Variants in ITGB3 observed in about 807,000 individuals in gnomAD.
ITGB3 encodes the protein integrin beta-3.
ITGB3 carries 48 observed loss-of-function variants against 85.8 expected under a neutral mutation model. The ratio of observed to expected loss-of-function variants is 0.56; its 90% CI spans 0.44 to 0.71. ITGB3 has a LOEUF of 0.71. ITGB3 is among the 30% of genes least tolerant of loss of function. ITGB3 has a pLI of 0.00. For missense variants in ITGB3, 861 were observed against 1,019.1 expected, an observed-to-expected ratio of 0.84 and a Z score of 2.11; for synonymous variants, 363 against 395.6, an observed-to-expected ratio of 0.92 and a Z score of 0.98.
chr17:47,274,556 T>G (rs753378137), intron 2 of ITGB3, 52 bp downstream of exon 2: 25 of 1,497,882 alleles, frequency 1.7e-5, no homozygotes, highest in Non-Finnish European at 2.3e-5. Context: ...GCTGCTTTTG[T>G]GCAGAAACAG....
intron 5 of ITGB3, 150 bp downstream of exon 5, chr17:47,286,572 T>C: frequency 2.0e-6 from 2 of 985,342 alleles, no homozygotes; most frequent in South Asian, 2.8e-5. Flanking sequence ...GCTCCTGATA[T>C]TCAGCCTTGG....
In ITGB3 at chr17:47,287,023, A is replaced by G. The variant is rs1223530318; in HGVS notation, c.778-47A>G. 1.9e-6 allele frequency: 3 copies of G among 1,574,706 alleles called. No homozygotes were observed. The African/African-American group carries it at 4.2e-5, about 22-fold the overall frequency. ...CTGTTCTCTACCAGTGACATGGCTG[A>G]ATTTGTTTTGTCTCCTCTGCCTTTG... On this transcript the variant is annotated intron_variant, in intron 5 of 14. Transcript: ENST00000559488.
intron 7 of ITGB3, 47 bp downstream of exon 7, chr17:47,289,823 T>A (rs772753231): frequency 3.6e-6 from 5 of 1,384,890 alleles, no homozygotes; most frequent in Non-Finnish European, 5.1e-6. Flanking sequence ...TGATGGTGGG[T>A]GCCCCAGGTA....
chr17:47,275,856 A>AG (rs1268426637), intron 2 of ITGB3, among the ~76,000 whole-genome samples: 1 of 152,112 alleles, frequency 6.6e-6, no homozygotes. Flanking sequence ...AAGGGGTGTA[A>AG]GGGGGGCATG....
chr17:47,273,612 T>C (rs2065052909), intron 1 of ITGB3, among the ~76,000 whole-genome samples: 1 of 152,220 alleles, frequency 6.6e-6, no homozygotes, highest in South Asian at 2.1e-4. Context: ...TAGCACCTTA[T>C]AGTGTACCAA....
At chr17:47,260,717 C>G (rs1456996252) in intron 1 of ITGB3, among the ~76,000 whole-genome samples, 1 of 152,084 alleles carries the variant, frequency 6.6e-6, no homozygotes, top group Non-Finnish European at 1.5e-5. Context: ...CTTTCTGGGA[C>G]TTCCACAAGT....
chr17:47,270,091 G>A (rs1387438119), intron 1 of ITGB3, among the ~76,000 whole-genome samples: 1 of 152,194 alleles, frequency 6.6e-6, no homozygotes, highest in Non-Finnish European at 1.5e-5. Flanking sequence ...ACAGCAACAT[G>A]AGGATAATCA....
Position 47,302,706 on chromosome 17 carries a change from T to C in ITGB3, c.2015-15T>C, listed in dbSNP as rs1469314464. On this transcript the variant is annotated splice_polypyrimidine_tract_variant and intron_variant, in intron 12 of 14. Transcript: ENST00000559488. ...GTTGTCTCACTTTTTATTCCTCCAT[T>C]TTCCCTACTCCCAGAGGACACTGGC... 1.2e-6 allele frequency: 2 copies of C among 1,614,036 alleles called. No homozygotes were observed. The highest frequency in any genetic ancestry group is 2.2e-5 in the East Asian group (1 of 44,872).
intron 12 of ITGB3, among the ~76,000 whole-genome samples, chr17:47,301,261 A>T (rs1036682830): frequency 6.6e-6 from 1 of 152,180 alleles, no homozygotes; most frequent in African/African-American, 2.4e-5. Context: ...TGGGCCAGCG[A>T]GGCATTGAGA....
At chr17:47,272,490 C>G (rs1002022695) in intron 1 of ITGB3, among the ~76,000 whole-genome samples, 4 of 151,778 alleles carry the variant, frequency 2.6e-5, no homozygotes, top group African/African-American at 9.7e-5. Flanking sequence ...TTCAATAGGT[C>G]AACATCTACT....
chr17:47,302,929 A>G (rs185918083), intron 13 of ITGB3, 89 bp downstream of exon 13: 1 of 1,496,290 alleles, frequency 6.7e-7, no homozygotes, highest in African/African-American at 1.4e-5. Context: ...CGAAGCTGTT[A>G]AGCAAAACAG....
chr17:47,270,662 C>G (rs2065041158), intron 1 of ITGB3, among the ~76,000 whole-genome samples: 1 of 152,214 alleles, frequency 6.6e-6, no homozygotes, highest in South Asian at 2.1e-4. Context: ...TCATGGGCCT[C>G]ACGCTTACAT....
Position 47,299,291 on chromosome 17 carries a change from G to A in ITGB3, c.1691-17G>A. The stretch of plus-strand genomic sequence containing the variant: ...CTCTCGCCAGCGGGTCCACCTTCCT[G>A]GGCTGTGTGTTTTCAGGCCATGGCC... On this transcript the variant is annotated splice_polypyrimidine_tract_variant and intron_variant, in intron 10 of 14. Transcript: ENST00000559488. This position sits in a 1 kb window ranked among gnomAD's most constrained non-coding sequence, Gnocchi z 5.1. The A allele has an allele frequency of 1.2e-6, 2 of 1,612,630 alleles. No homozygotes were observed. Among genetic ancestry groups the A allele is most frequent in the Non-Finnish European group, 1.7e-6 (2 of 1,179,664 alleles).
chr17:47,253,953 C>G lies in ITGB3; in HGVS notation c.79+13C>G. 2 of 1,407,972 alleles carry G rather than the reference C, an allele frequency of 1.4e-6. No individual in the cohort carries two copies. Among genetic ancestry groups the G allele is most frequent in the Non-Finnish European group, 1.9e-6 (2 of 1,072,574 alleles). The allele number at this position is 1,407,972 out of a possible 1,614,324, so 87.2% of individuals were successfully genotyped here. On this transcript the variant is annotated intron_variant, in intron 1 of 14. Coordinates refer to ENST00000559488, the MANE Select transcript of ITGB3 (RefSeq NM_000212.3). ...GTTGGCGTAGGAGGTGAGTGAGGCT[C>G]CGGCTCGGCAGCGTCGCAGCTGCCC...
In ITGB3 at chr17:47,300,211, G is replaced by T. The variant is rs12603582; in HGVS notation, c.1914-267G>T. Among the ~76,000 whole-genome samples the T allele has an allele frequency of 0.18, 27,719 of 152,230 alleles. 2,979 individuals carry two copies. Among genetic ancestry groups the T allele is most frequent in the Non-Finnish European group, 0.23 (15,451 of 68,000 alleles). On this transcript the variant is annotated intron_variant, in intron 11 of 14. Transcript: ENST00000559488. ...CACCATCCTGGCACAGCCCTGGATGGGACGGGAAGTTTAATGAAGGACCTG... is the reference window on the plus strand; with the variant it reads ...CACCATCCTGGCACAGCCCTGGATGTGACGGGAAGTTTAATGAAGGACCTG...
At chr17:47,307,445 C>T in intron 13 of ITGB3, 26 bp from the exon 14 acceptor site, 1 of 1,613,368 alleles carries the variant, frequency 6.2e-7, no homozygotes, top group Non-Finnish European at 8.5e-7. Context: ...TTCACAACCG[C>T]CCTGCTCTGT....
chr17:47,272,345 C>T (rs111449732), intron 1 of ITGB3, among the ~76,000 whole-genome samples: 11,688 of 152,086 alleles, frequency 0.077, 649 homozygotes, highest in East Asian at 0.28. Context: ...TGAGCCACTG[C>T]GCTTGGCCAT....
Position 47,289,698 on chromosome 17 carries a change from G to A in ITGB3, c.957G>A (p.Gly319=), listed in dbSNP as rs367992642. ...ASTTMDYPSL[G]LMTEKLSQKN... ...TTTCCTAGGATTATCCCTCTTTGGG[G>A]CTGATGACTGAGAAGCTATCCCAGA... The change falls in exon 7 of 15, where the codon GGG becomes GGA. Residue 319 remains glycine (G), a synonymous_variant. Transcript: ENST00000559488. 1.9e-6 allele frequency: 3 copies of A among 1,613,100 alleles called. No individual in the cohort carries two copies. Among genetic ancestry groups the A allele is most frequent in the Non-Finnish European group, 2.5e-6 (3 of 1,179,076 alleles).
At chr17:47,295,410 C>T (rs775522661) in intron 10 of ITGB3, among the ~76,000 whole-genome samples, 1 of 152,154 alleles carries the variant, frequency 6.6e-6, no homozygotes, top group Non-Finnish European at 1.5e-5. Flanking sequence ...TCCCTTTCTC[C>T]TCTTCCACTC....
Sources: gnomAD v4.1 joint callset for allele counts (sites outside exome capture counted in the v4.1 genomes callset) on GRCh38, gnomAD v4.1.1 for gene constraint, Gnocchi (gnomAD v3.1) non-coding constraint, MANE v1.5 for transcripts, NCBI Gene and HGNC (gene_info 2026-07-23, HGNC 2026-07-21) for gene names.